The following CNTN1 variants were observed in gnomAD, a reference collection of about 807,000 sequenced individuals.
CNTN1 encodes the protein contactin-1.
A neutral mutation model predicts 126.4 loss-of-function variants in CNTN1; 38 were observed. The ratio of observed to expected loss-of-function variants is 0.30; its 90% confidence interval spans 0.23 to 0.39. The LOEUF (loss-of-function observed/expected upper bound fraction) is 0.39, where lower values mean the gene tolerates loss of function less well. Among genes scored for constraint, CNTN1 ranks in the 10% least tolerant of loss-of-function variants. The pLI is 1.00. For missense variants in CNTN1, 1,009 were observed against 1,248.4 expected (o/e 0.81, Z 2.89); for synonymous variants, 413 against 422.6 (o/e 0.98, Z 0.28).
chr12:40,875,758 C>T (rs1038098143), intron 1 of CNTN1, among the ~76,000 whole-genome samples: 17 of 151,920 alleles, frequency 1.1e-4, no homozygotes, highest in African/African-American at 4.1e-4. Flanking sequence ...TAAACATTCA[C>T]CTGTTGAAGG....
chr12:40,971,441 C>T (rs1947507810), intron 15 of CNTN1: 1 of 1,595,658 alleles, frequency 6.3e-7, no homozygotes, highest in Admixed American at 1.7e-5. Context: ...CAGGTAAAAA[C>T]AGAAAAGGTG....
intron 16 of CNTN1, among the ~76,000 whole-genome samples, chr12:40,991,915 A>G (rs1008630715): frequency 6.6e-6 from 1 of 152,198 alleles, no homozygotes; most frequent in Admixed American, 6.5e-5. Flanking sequence ...CCCTTCACAA[A>G]CCAAAACTTC....
intron 23 of CNTN1, among the ~76,000 whole-genome samples, chr12:41,041,296 G>C (rs1371270862): frequency 6.6e-6 from 1 of 152,110 alleles, no homozygotes; most frequent in Non-Finnish European, 1.5e-5. Flanking sequence ...GCTTTTTGAT[G>C]TGCTGCTGGA....
intron 1 of CNTN1, among the ~76,000 whole-genome samples, chr12:40,775,552 CT>C (rs1166718918): frequency 6.6e-6 from 1 of 151,354 alleles, no homozygotes; most frequent in Non-Finnish European, 1.5e-5. Flanking sequence ...CACGGTTTAT[CT>C]TTTTTTCTGT....
At chr12:40,936,613 C>A (rs140286768) in intron 9 of CNTN1, among the ~76,000 whole-genome samples, 168 bp from the exon 10 acceptor site, 1 of 152,060 alleles carries the variant, frequency 6.6e-6, no homozygotes, top group African/African-American at 2.4e-5. Flanking sequence ...ACAGGATTTG[C>A]GTAGGTTAAG....
At chr12:40,871,809 G>C (rs150976466) in intron 1 of CNTN1, among the ~76,000 whole-genome samples, 164 of 152,172 alleles carry the variant, frequency 1.1e-3, no homozygotes, top group African/African-American at 3.7e-3. Context: ...TTTGGCTGGA[G>C]GTTATTGTTG....
intron 14 of CNTN1, among the ~76,000 whole-genome samples, chr12:40,948,791 T>C (rs890139376): frequency 2.0e-5 from 3 of 152,234 alleles, no homozygotes; most frequent in African/African-American, 7.2e-5. Flanking sequence ...GAACCTTGTA[T>C]GCTCACTCAG....
chr12:40,924,892 A>ATATATATATATATATATG (rs1945589028), intron 6 of CNTN1, among the ~76,000 whole-genome samples: 1 of 146,630 alleles, frequency 6.8e-6, no homozygotes, highest in African/African-American at 2.5e-5. Flanking sequence ...ATATATATAT[A>ATATATATATATATATATG]TATATAGTAT....
intron 5 of CNTN1, 77 bp from the exon 6 acceptor site, chr12:40,924,480 G>C: frequency 1.2e-6 from 1 of 819,796 alleles, no homozygotes; most frequent in Non-Finnish European, 2.1e-6. Flanking sequence ...GTTATTTGCT[G>C]AAAGGTAAAA....
Position 40,922,417 on chromosome 12 carries a change from T to C in CNTN1, c.389T>C (p.Leu130Pro). ...ATGGTCAGAAGCACTGAAGCAACCC[T>C]GAGCTTTGGATGTAAGTAAACTGTA... is the stretch of plus-strand genomic sequence containing the variant. ...YGMVRSTEATLSFGYLDPFPP... is the reference protein window; with the variant it reads ...YGMVRSTEATPSFGYLDPFPP... Residue 130 changes from leucine to proline, a missense_variant, in exon 5 of 24, where the codon CTG becomes CCG. By Grantham distance (98) the Leu-to-Pro change is moderately conservative. Coordinates refer to ENST00000551295, the MANE Select transcript of CNTN1 (RefSeq NM_001843.4). 1 of 1,613,902 alleles carries C rather than the reference T, an allele frequency of 6.2e-7. No individual in the cohort carries two copies.
intron 1 of CNTN1, among the ~76,000 whole-genome samples, chr12:40,804,700 T>C (rs1940778221): frequency 6.6e-6 from 1 of 152,034 alleles, no homozygotes; most frequent in Admixed American, 6.6e-5. Context: ...TGGAGCACAG[T>C]GGACTGGCTA....
At chr12:41,043,198 T>C (rs888201976) in intron 23 of CNTN1, among the ~76,000 whole-genome samples, 6 of 151,972 alleles carry the variant, frequency 3.9e-5, no homozygotes, top group African/African-American at 7.3e-5. Context: ...GAAACTACCA[T>C]CAGAGTGAAC....
intron 1 of CNTN1, among the ~76,000 whole-genome samples, chr12:40,819,730 C>T (rs1348966223): frequency 6.6e-6 from 1 of 152,220 alleles, no homozygotes; most frequent in East Asian, 1.9e-4. Context: ...TAAGCTTAAG[C>T]AGATTCCAGC....
intron 1 of CNTN1, among the ~76,000 whole-genome samples, chr12:40,876,895 G>A (rs1235080851): frequency 2.6e-5 from 4 of 151,982 alleles, no homozygotes; most frequent in Admixed American, 6.6e-5. Context: ...TTAAAGAAGT[G>A]GTAAGCCTAA....
intron 1 of CNTN1, among the ~76,000 whole-genome samples, chr12:40,724,004 T>G (rs1397376324): frequency 6.6e-6 from 1 of 152,178 alleles, no homozygotes; most frequent in Admixed American, 6.5e-5. Context: ...ATATTCTGCC[T>G]TGGTATAAAG....
At chr12:40,847,582 T>C (rs1942558732) in intron 1 of CNTN1, among the ~76,000 whole-genome samples, 1 of 152,262 alleles carries the variant, frequency 6.6e-6, no homozygotes, top group African/African-American at 2.4e-5. Flanking sequence ...TGTTCACTAT[T>C]TATGCAAATT....
At chr12:40,757,284 T>G (rs1335324862) in intron 1 of CNTN1, among the ~76,000 whole-genome samples, 2 of 7,636 alleles carry the variant, frequency 2.6e-4, no homozygotes, top group Admixed American at 2.0e-3. Context: ...TATTTGAGTT[T>G]GGGAAGGACA....
chr12:40,704,142 G>T (rs1474195992), intron 1 of CNTN1, among the ~76,000 whole-genome samples: 1 of 152,140 alleles, frequency 6.6e-6, no homozygotes, highest in African/African-American at 2.4e-5. Context: ...GTTGAAGTAT[G>T]TGTCTTATTC....
In CNTN1 at chr12:41,062,515, A is replaced by G. The variant is rs141084927; in HGVS notation, c.2981-7444A>G. On this transcript the variant is annotated intron_variant, in intron 23 of 23. Coordinates refer to ENST00000551295, the MANE Select transcript of CNTN1 (RefSeq NM_001843.4). ...ATGGAAACCTGGAAAGAAAAAAATT[A>G]TGCAAGAGAAAATGTGCAAGGAGAA... Among the ~76,000 whole-genome samples the G allele has an allele frequency of 4.0e-3, 603 of 152,306 alleles. 7 individuals are homozygous for G. The highest frequency in any genetic ancestry group is 0.014 in the African/African-American group (579 of 41,572).
Sources: allele counts gnomAD v4.1 joint callset (sites outside exome capture counted in the v4.1 genomes callset), GRCh38; gene constraint gnomAD v4.1.1; transcripts MANE v1.5; gene names NCBI Gene and HGNC (gene_info 2026-07-23, HGNC 2026-07-21).